The following SWT1 variants were observed in gnomAD, a reference collection of about 807,000 sequenced individuals.
SWT1 encodes transcriptional protein SWT1.
SWT1 carries 33 observed loss-of-function variants against 107.3 expected under a neutral mutation model. The ratio of observed to expected loss-of-function variants is 0.31; its 90% CI spans 0.23 to 0.41. The LOEUF (loss-of-function observed/expected upper bound fraction) is 0.41. Ranked by LOEUF, SWT1 falls within the 10% of genes least tolerant of loss-of-function variation. SWT1 has a pLI of 1.00. For synonymous variants in SWT1, 345 were observed against 348.3 expected, an observed-to-expected ratio of 0.99 and a Z score of 0.11; for missense variants, 898 against 1,028.9, an observed-to-expected ratio of 0.87 and a Z score of 1.74.
intron 16 of SWT1, among the ~76,000 whole-genome samples, chr1:185,252,929 G>A (rs1468092883): frequency 4.1e-5 from 6 of 144,784 alleles, no homozygotes; most frequent in Admixed American, 2.8e-4. Context: ...TAACGTTTAA[G>A]TCTTTAATCC....
chr1:185,174,330 G>GTATAAT, intron 4 of SWT1, 42 bp from the exon 5 acceptor site: 1 of 1,447,826 alleles, frequency 6.9e-7, no homozygotes, highest in Non-Finnish European at 9.2e-7. Context: ...GCAACATTAT[G>GTATAAT]TATAATTATA....
At chr1:185,212,983 A>G (rs1472599359) in intron 13 of SWT1, among the ~76,000 whole-genome samples, 40 of 152,186 alleles carry the variant, frequency 2.6e-4, no homozygotes, top group Admixed American at 2.6e-3. Flanking sequence ...GAAAATGACT[A>G]GTAACTTTTA....
At chr1:185,179,809 A>G (rs557185259) in intron 5 of SWT1, among the ~76,000 whole-genome samples, 1 of 152,330 alleles carries the variant, frequency 6.6e-6, no homozygotes, top group South Asian at 2.1e-4. Context: ...GAGCTTCTCT[A>G]TTCTAGGGAC....
chr1:185,243,010 A>G (rs376914842), intron 16 of SWT1, among the ~76,000 whole-genome samples: 19 of 152,356 alleles, frequency 1.2e-4, no homozygotes, highest in African/African-American at 4.6e-4. Context: ...TATATGGGAT[A>G]AAGCCAGATG....
intron 16 of SWT1, chr1:185,264,399 C>G: frequency 1.0e-6 from 1 of 984,966 alleles, no homozygotes; most frequent in Non-Finnish European, 1.2e-6. Flanking sequence ...AGAACAAGTC[C>G]CCAAACAGCT....
rs2102733308 is a variant in SWT1, at chr1:185,271,330, G to T, written c.2449G>T (p.Ala817Ser). 6.6e-7 allele frequency: 1 copy of T among 1,510,360 alleles called. No individual in the cohort carries two copies. Among genetic ancestry groups the T allele is most frequent in the Non-Finnish European group, 9.2e-7 (1 of 1,087,656 alleles). 93.6% of individuals were successfully genotyped at this position (1,510,360 alleles called of 1,614,324 possible). A position where few individuals can be genotyped will look rare whatever the true frequency, so the allele number is the denominator to read the frequency against. ...TTTTATTTTATTTTTTAGGATTTTG[G>T]CCCCAAACAGTAATTATCAAGATGT... is the stretch of plus-strand genomic sequence containing the variant. ...DILEGIQRIL[A>S]PNSNYQDVET... The change falls in exon 17 of 19, where the codon GCC (alanine) becomes TCC (serine). Residue 817 changes from alanine (A) to serine (S), a missense_variant. By Grantham distance (99) the Ala-to-Ser change is moderately conservative (BLOSUM62 1). Coordinates refer to ENST00000367500, the MANE Select transcript of SWT1 (RefSeq NM_017673.7).
intron 6 of SWT1, 22 bp from the exon 7 acceptor site, chr1:185,181,924 A>C (rs772751730): frequency 6.2e-7 from 1 of 1,612,934 alleles, no homozygotes; most frequent in South Asian, 1.1e-5. Flanking sequence ...AAAATATTTC[A>C]CTGGGGTCTT....
chr1:185,191,658 T>A (rs1474958831), intron 10 of SWT1, among the ~76,000 whole-genome samples: 1 of 152,194 alleles, frequency 6.6e-6, no homozygotes, highest in Non-Finnish European at 1.5e-5. Flanking sequence ...TATATTTTGA[T>A]CTAGGACATA....
intron 10 of SWT1, among the ~76,000 whole-genome samples, chr1:185,202,334 A>T (rs1317301162): frequency 5.3e-5 from 8 of 152,022 alleles, no homozygotes; most frequent in Admixed American, 5.2e-4. Context: ...TCCAGCTCCC[A>T]CTTACTGGGT....
Position 185,215,676 on chromosome 1 carries a change from C to G in SWT1, c.2121+1021C>G, listed in dbSNP as rs938893176. On this transcript the variant is annotated intron_variant, in intron 14 of 18. Transcript: ENST00000367500. ...ACGTCAGCCCCCCGAATAGCTGGGT[C>G]TACAGGCATGGCACCACCACACCTG... Among the ~76,000 whole-genome samples the G allele has an allele frequency of 2.0e-5, 3 of 152,076 alleles. No individual in the cohort carries two copies. The East Asian group carries it at 5.8e-4, about 29-fold the overall frequency.
chr1:185,258,124 G>T (rs776370844), intron 16 of SWT1: 1 of 151,866 alleles, frequency 6.6e-6, no homozygotes, highest in Non-Finnish European at 1.5e-5. Flanking sequence ...CTCTCTACTA[G>T]TTCGGAGGTT....
intron 10 of SWT1, among the ~76,000 whole-genome samples, chr1:185,200,980 C>T (rs1033293746): frequency 5.3e-5 from 8 of 152,158 alleles, no homozygotes; most frequent in African/African-American, 1.4e-4. Flanking sequence ...GGTAATTTGG[C>T]TACAGTGGCT....
Position 185,231,673 on chromosome 1 carries a change from G to A in SWT1, c.2406G>A (p.Met802Ile). The part of the protein sequence containing the change: ...EEAFICLQKL[M>I]AAVRDILEGI... ...CATTTATATGTCTTCAAAAGTTAAT[G>A]GCAGCTGTGAGGGATATTCTTGAAG... The change falls in exon 16 of 19, where the codon ATG becomes ATA. Residue 802 changes from methionine to isoleucine, a missense_variant. Met to Ile is a conservative substitution (Grantham distance 10, BLOSUM62 1). This residue lies in a region of SWT1 where 382 missense variants were observed against 460.0 expected (regional missense o/e 0.83). Transcript: ENST00000367500. 6.2e-7 allele frequency: 1 copy of A among 1,607,770 alleles called. No individual in the cohort carries two copies. The highest frequency in any genetic ancestry group is 8.5e-7 in the Non-Finnish European group (1 of 1,174,948).
At chr1:185,257,055 G>A (rs916647097) in intron 16 of SWT1, among the ~76,000 whole-genome samples, 10 of 152,072 alleles carry the variant, frequency 6.6e-5, no homozygotes, top group Admixed American at 2.6e-4. Flanking sequence ...AGGTGTCAGT[G>A]TGCCCCTGCT....
intron 16 of SWT1, among the ~76,000 whole-genome samples, chr1:185,235,443 C>T (rs1434493018): frequency 1.3e-5 from 2 of 152,144 alleles, no homozygotes; most frequent in African/African-American, 4.8e-5. Flanking sequence ...AGCATATAAA[C>T]AGAGCCAAAG....
rs1320107933 is a variant in SWT1, at chr1:185,180,453, T to A, written c.1026+3T>A. ...GTATCCAGGATGCAGATCAAGAGGT[T>A]ATTGATATTCTTGTTTACTTTGATA... is the stretch of plus-strand genomic sequence containing the variant. On this transcript the variant is annotated splice_donor_region_variant and intron_variant, in intron 6 of 18. Coordinates refer to ENST00000367500, the MANE Select transcript of SWT1 (RefSeq NM_017673.7). 1 of 1,605,048 alleles carries A rather than the reference T, an allele frequency of 6.2e-7. No homozygotes were observed. Among genetic ancestry groups the A allele is most frequent in the Admixed American group, 1.7e-5 (1 of 59,980 alleles).
intron 16 of SWT1, among the ~76,000 whole-genome samples, chr1:185,247,705 G>A (rs1174327836): frequency 6.6e-6 from 1 of 152,140 alleles, no homozygotes; most frequent in Non-Finnish European, 1.5e-5. Context: ...CTCCAGACCT[G>A]CACTTTGCTT....
intron 14 of SWT1, among the ~76,000 whole-genome samples, chr1:185,218,302 C>T (rs1659379038): frequency 6.6e-6 from 1 of 152,072 alleles, no homozygotes. Context: ...CTAACTTTAT[C>T]ATTTTCCAGA....
At chr1:185,207,079 A>T (rs1462626323) in intron 13 of SWT1, among the ~76,000 whole-genome samples, 1 of 152,230 alleles carries the variant, frequency 6.6e-6, no homozygotes, top group African/African-American at 2.4e-5. Flanking sequence ...ACCATGTTTT[A>T]CATTCTGTTC....
Sources: gnomAD v4.1 joint callset for allele counts (sites outside exome capture counted in the v4.1 genomes callset) on GRCh38, gnomAD v4.1.1 for gene constraint, gnomAD v4.1.1 regional missense constraint, MANE v1.5 for transcripts, NCBI Gene and HGNC (gene_info 2026-07-23, HGNC 2026-07-21) for gene names.